Variants in RYR3 observed in about 807,000 individuals in gnomAD.
The protein encoded by RYR3 is brain ryanodine receptor-calcium release channel.
A neutral mutation model predicts 584.3 loss-of-function variants in RYR3; 207 were observed. The ratio of observed to expected loss-of-function variants is 0.35; its 90% CI spans 0.32 to 0.40. The LOEUF (loss-of-function observed/expected upper bound fraction) is 0.40. Among genes scored for constraint, RYR3 ranks in the 10% least tolerant of loss-of-function variants. The pLI is 1.00. For synonymous variants in RYR3, 2,416 were observed against 2,248.5 expected (o/e 1.07, Z -2.11); for missense variants, 5,616 against 6,089.2 (o/e 0.92, Z 2.59).
chr15:33,598,601 A>T (rs936191439), intron 16 of RYR3, among the ~76,000 whole-genome samples: 1 of 151,798 alleles, frequency 6.6e-6, no homozygotes, highest in Non-Finnish European at 1.5e-5. Context: ...GTCTTAGGCT[A>T]TAGACTGCTG....
intron 32 of RYR3, among the ~76,000 whole-genome samples, chr15:33,655,419 C>A (rs2062768674): frequency 6.6e-6 from 1 of 151,798 alleles, no homozygotes; most frequent in African/African-American, 2.4e-5. Flanking sequence ...TTTGGAAGTT[C>A]AAAAAAAATA....
intron 60 of RYR3, among the ~76,000 whole-genome samples, chr15:33,765,605 C>A (rs2072961190): frequency 7.2e-6 from 1 of 139,662 alleles, no homozygotes; most frequent in African/African-American, 2.7e-5. Context: ...TGCACTCCAG[C>A]CTCGCCAATA....
At chr15:33,620,936 C>A (rs1033405089) in intron 19 of RYR3, among the ~76,000 whole-genome samples, 3 of 152,166 alleles carry the variant, frequency 2.0e-5, no homozygotes, top group Non-Finnish European at 4.4e-5. Context: ...GTTTAAAGAC[C>A]AAAGCTTCAG....
chr15:33,580,764 A>G lies in RYR3; in HGVS notation c.1437+620A>G, dbSNP rs535711105. On this transcript the variant is annotated intron_variant, in intron 13 of 103. Coordinates refer to ENST00000634891, the MANE Select transcript of RYR3 (RefSeq NM_001036.6). ...CCATGGTTGTACTTCTGGGCCTGCC[A>G]TGCCTGGGCACAGGGCTTGTCCCTT... is the stretch of plus-strand genomic sequence containing the variant. Among the ~76,000 whole-genome samples the G allele has an allele frequency of 4.2e-4, 64 of 152,202 alleles. 1 individual carries two copies. The highest frequency in any genetic ancestry group is 2.5e-4 in the Non-Finnish European group (17 of 68,044).
chr15:33,503,987 G>GTTAAA (rs1193781621), intron 3 of RYR3, among the ~76,000 whole-genome samples: 1 of 152,222 alleles, frequency 6.6e-6, no homozygotes, highest in Non-Finnish European at 1.5e-5. Flanking sequence ...GGCACAGGAT[G>GTTAAA]TTAAGCCTAC....
intron 52 of RYR3, 143 bp downstream of exon 52, chr15:33,742,587 T>C: frequency 1.6e-6 from 1 of 630,150 alleles, no homozygotes; most frequent in Admixed American, 2.6e-5. Flanking sequence ...TGAGCAGCAA[T>C]TTCCCAGGGT....
intron 38 of RYR3, among the ~76,000 whole-genome samples, chr15:33,681,595 A>G (rs2064622339): frequency 6.6e-6 from 1 of 152,188 alleles, no homozygotes; most frequent in South Asian, 2.1e-4. Flanking sequence ...ACACTTCAAA[A>G]TTATCTACCA....
At chr15:33,389,177 T>C (rs1440999454) in intron 1 of RYR3, among the ~76,000 whole-genome samples, 1 of 151,082 alleles carries the variant, frequency 6.6e-6, no homozygotes, top group Non-Finnish European at 1.5e-5. Context: ...TGTATACATA[T>C]GTAACAAACC....
At chr15:33,551,650 A>G (rs2056682036) in intron 10 of RYR3, among the ~76,000 whole-genome samples, 1 of 152,038 alleles carries the variant, frequency 6.6e-6, no homozygotes, top group Non-Finnish European at 1.5e-5. Context: ...CATCTTCCTA[A>G]CCGTCTCTCA....
chr15:33,472,937 C>T (rs768036185), intron 1 of RYR3, among the ~76,000 whole-genome samples: 6 of 152,168 alleles, frequency 3.9e-5, no homozygotes, highest in Non-Finnish European at 7.4e-5. Flanking sequence ...CATACACTGC[C>T]TTCCTCCAAC....
intron 12 of RYR3, among the ~76,000 whole-genome samples, chr15:33,573,231 G>T (rs2058128246): frequency 6.6e-6 from 1 of 152,152 alleles, no homozygotes; most frequent in African/African-American, 2.4e-5. Flanking sequence ...TGCTGAGGGG[G>T]TGTGGGCTGC....
chr15:33,662,548 T>C lies in RYR3; in HGVS notation c.5018T>C (p.Val1673Ala), dbSNP rs760383912. 3 of 1,613,858 alleles carry C rather than the reference T, an allele frequency of 1.9e-6. No homozygotes were observed. The East Asian group carries it at 6.7e-5, about 36-fold the overall frequency. Residue 1673 changes from valine to alanine, a missense_variant, in exon 35 of 104, where the codon GTT becomes GCT. Physicochemically the swap from Val to Ala is moderately conservative, Grantham distance 64. Transcript: ENST00000634891. ...PGFRFSTPCF[V>A]VTGEDHQKQS... ...TTCAGGTTCTCCACCCCTTGCTTTG[T>C]TGTGACTGGTGAGGATCACCAAAAG...
In RYR3 at chr15:33,755,092, C is replaced by G; in HGVS notation, c.8427C>G (p.Ala2809=). The G allele has an allele frequency of 2.5e-6, 4 of 1,612,504 alleles. No homozygotes were observed. The highest frequency in any genetic ancestry group is 3.4e-6 in the Non-Finnish European group (4 of 1,178,936). Residue 2809 remains alanine, a synonymous_variant, in exon 58 of 104, where the codon GCC becomes GCG. Coordinates refer to ENST00000634891, the MANE Select transcript of RYR3 (RefSeq NM_001036.6). ...GTATGAAGGATATGGAGCTGGATGCCTCCTCCATGGAGAAGAGGTTTGCCT... is the reference window on the plus strand; with the variant it reads ...GTATGAAGGATATGGAGCTGGATGCGTCCTCCATGGAGAAGAGGTTTGCCT... ...SRGMKDMELD[A]SSMEKRFAYK...
rs60334885 is a variant in RYR3, at chr15:33,646,734, A to G, written c.3941+208A>G. On this transcript the variant is annotated intron_variant, in intron 29 of 103. Coordinates refer to ENST00000634891, the MANE Select transcript of RYR3 (RefSeq NM_001036.6). ...TGTGCAGTGCATAATTAAGGCACCA[A>G]TCATGCTAAACAGACACATCTGGTG... Among the ~76,000 whole-genome samples, 501 of 152,348 alleles carry G rather than the reference A, an allele frequency of 3.3e-3. 7 individuals are homozygous for G. The highest frequency in any genetic ancestry group is 0.011 in the African/African-American group (477 of 41,586).
At chr15:33,669,854 G>GAGT (rs765175872) in intron 37 of RYR3, among the ~76,000 whole-genome samples, 1 of 35,994 alleles carries the variant, frequency 2.8e-5, no homozygotes, top group Non-Finnish European at 6.4e-5. Context: ...GGGGGGGGGG[G>GAGT]GGGGTGTGGG....
intron 58 of RYR3, 101 bp from the exon 59 acceptor site, chr15:33,756,205 T>C (rs1232354230): frequency 1.2e-6 from 1 of 806,952 alleles, no homozygotes; most frequent in Non-Finnish European, 2.1e-6. Flanking sequence ...TCAGATAGCC[T>C]TTTTAAATAG....
intron 50 of RYR3, among the ~76,000 whole-genome samples, chr15:33,739,133 A>C (rs1257297459): frequency 6.6e-6 from 1 of 152,074 alleles, no homozygotes; most frequent in African/African-American, 2.4e-5. Flanking sequence ...TAGAGCTCTG[A>C]CTCTTAGACT....
chr15:33,453,252 C>A (rs1197257003), intron 1 of RYR3, among the ~76,000 whole-genome samples: 1 of 152,104 alleles, frequency 6.6e-6, no homozygotes, highest in African/African-American at 2.4e-5. Flanking sequence ...AAAAAATAAA[C>A]CTTAATTACT....
chr15:33,459,587 T>C (rs1219131687), intron 1 of RYR3, among the ~76,000 whole-genome samples: 50 of 152,024 alleles, frequency 3.3e-4, no homozygotes, highest in Non-Finnish European at 1.5e-5. Context: ...ATAGGGTCTA[T>C]GAGGGCCAAG....
Sources: allele counts gnomAD v4.1 joint callset (sites outside exome capture counted in the v4.1 genomes callset), GRCh38; gene constraint gnomAD v4.1.1; transcripts MANE v1.5; gene names NCBI Gene and HGNC (gene_info 2026-07-23, HGNC 2026-07-21).